The following FOXP2 variants were observed in gnomAD, a reference collection of about 807,000 sequenced individuals.
FOXP2 encodes forkhead box P2, also known as forkhead box protein P2.
FOXP2 carries 12 observed loss-of-function variants against 115.8 expected under a neutral mutation model. The ratio of observed to expected loss-of-function variants is 0.10; its 90% confidence interval spans 0.07 to 0.17. FOXP2 has a LOEUF of 0.17. FOXP2 is among the 10% of genes least tolerant of loss of function. FOXP2 has a pLI of 1.00. For synonymous variants in FOXP2, 328 were observed against 297.7 expected, an observed-to-expected ratio of 1.10 and a Z score of -1.05; for missense variants, 629 against 843.5, an observed-to-expected ratio of 0.75 and a Z score of 3.15.
chr7:114,582,595 C>G (rs1426257589), intron 3 of FOXP2, among the ~76,000 whole-genome samples: 2 of 152,118 alleles, frequency 1.3e-5, no homozygotes, highest in Non-Finnish European at 2.9e-5. Flanking sequence ...TGTAAGTGTT[C>G]TTTCCTTTTC....
intron 2 of FOXP2, among the ~76,000 whole-genome samples, chr7:114,388,161 T>C (rs919427858): frequency 2.0e-5 from 3 of 152,194 alleles, no homozygotes; most frequent in African/African-American, 7.2e-5. Flanking sequence ...TCACTTTAAC[T>C]TCTTTGGAGA....
At chr7:114,233,635 A>G (rs917574311) in intron 1 of FOXP2, among the ~76,000 whole-genome samples, 2 of 152,230 alleles carry the variant, frequency 1.3e-5, no homozygotes, top group Non-Finnish European at 2.9e-5. Flanking sequence ...AAAATAAACA[A>G]TTAAACAATT....
intron 1 of FOXP2, among the ~76,000 whole-genome samples, chr7:114,244,964 G>A (rs1051874312): frequency 6.6e-6 from 1 of 151,926 alleles, no homozygotes; most frequent in Non-Finnish European, 1.5e-5. Flanking sequence ...GGGTTTCACC[G>A]TGTTAGCCAG....
intron 2 of FOXP2, among the ~76,000 whole-genome samples, chr7:114,347,065 G>C (rs1365759814): frequency 6.6e-6 from 1 of 151,834 alleles, no homozygotes; most frequent in African/African-American, 2.4e-5. Context: ...AAATGCAATG[G>C]TTTATATATG....
chr7:114,650,238 A>ATT (rs1806170162), intron 8 of FOXP2, among the ~76,000 whole-genome samples: 2 of 152,142 alleles, frequency 1.3e-5, no homozygotes, highest in African/African-American at 4.8e-5. Flanking sequence ...GTAGAAAATC[A>ATT]TTTTAAAAAG....
intron 2 of FOXP2, among the ~76,000 whole-genome samples, chr7:114,316,123 T>A (rs1797269956): frequency 6.6e-6 from 1 of 152,156 alleles, no homozygotes; most frequent in African/African-American, 2.4e-5. Context: ...CTTGTCTAAC[T>A]TCAGCTGGGT....
In FOXP2 at chr7:114,663,437, T is replaced by TA. The variant is rs546549555; in HGVS notation, c.1770-13_1770-12insA. 1.2e-4 allele frequency: 175 copies of TA among 1,404,784 alleles called. 2 individuals carry two copies. The highest frequency in any genetic ancestry group is 2.7e-4 in the South Asian group (22 of 82,916). The allele number at this position is 1,404,784 out of a possible 1,614,324, so 87.0% of individuals were successfully genotyped here. Reference sequence around the variant, plus strand: ...TTGACGTATAAATGATCTTTATATATTTTTTTTTTCAGAAGTCCAACCTTA... The same window carrying TA: ...TTGACGTATAAATGATCTTTATATATATTTTTTTTTCAGAAGTCCAACCTTA... On this transcript the variant is annotated splice_polypyrimidine_tract_variant and intron_variant, in intron 14 of 16. Coordinates refer to ENST00000350908, the MANE Select transcript of FOXP2 (RefSeq NM_014491.4).
chr7:114,235,848 T>A (rs1794994575), intron 1 of FOXP2, among the ~76,000 whole-genome samples: 1 of 152,192 alleles, frequency 6.6e-6, no homozygotes, highest in Non-Finnish European at 1.5e-5. Flanking sequence ...CATTCTCCAG[T>A]CTTATCACTA....
chr7:114,611,616 T>C (rs1803632984), intron 3 of FOXP2, among the ~76,000 whole-genome samples: 2 of 152,206 alleles, frequency 1.3e-5, no homozygotes, highest in South Asian at 4.1e-4. Context: ...TACATTTTCA[T>C]AGCTTAAAAT....
At chr7:114,256,544 G>T (rs142802454) in intron 1 of FOXP2, among the ~76,000 whole-genome samples, 2 of 152,106 alleles carry the variant, frequency 1.3e-5, no homozygotes, top group East Asian at 1.9e-4. Flanking sequence ...TTTTAATCGG[G>T]TTGTTTGTGT....
At chr7:114,415,471 G>T (rs1407106960) in intron 1 of FOXP2, 111 bp downstream of exon 1, 2 of 363,254 alleles carry the variant, frequency 5.5e-6, no homozygotes, top group Non-Finnish European at 1.1e-5. Flanking sequence ...TTTTTTCTGA[G>T]ACTGTAGCTC....
chr7:114,536,397 C>CTTTTTTTTTTTT (rs3997242), intron 3 of FOXP2, among the ~76,000 whole-genome samples: 60 of 112,290 alleles, frequency 5.3e-4, no homozygotes, highest in East Asian at 8.1e-4. Context: ...TTTTTCTTTT[C>CTTTTTTTTTTTT]TTTTTTTTTT....
chr7:114,576,751 CA>C (rs1801597397), intron 3 of FOXP2, among the ~76,000 whole-genome samples: 1 of 151,870 alleles, frequency 6.6e-6, no homozygotes, highest in African/African-American at 2.4e-5. Flanking sequence ...ATATAATTGG[CA>C]TTAACTTCTA....
intron 1 of FOXP2, among the ~76,000 whole-genome samples, chr7:114,147,874 A>T (rs1204693883): frequency 6.6e-6 from 1 of 152,164 alleles, no homozygotes; most frequent in Non-Finnish European, 1.5e-5. Flanking sequence ...AGGAGGATAG[A>T]ATTCTCAAAG....
rs932035689 is a variant in FOXP2, at chr7:114,321,323, C to T, written c.-11+33214C>T. Among the ~76,000 whole-genome samples, 7 of 151,802 alleles carry T rather than the reference C, an allele frequency of 4.6e-5. 1 individual carries two copies. The East Asian group carries it at 9.7e-4, about 21-fold the overall frequency. ...ACGCCATTCTCCTGCCTCAGCCTCT[C>T]GAGTAGCTGGGACTACAAGTGCCCG... On this transcript the variant is annotated intron_variant, in intron 2 of 17. Coordinates refer to the FOXP2 transcript ENST00000634411.
At chr7:114,456,755 T>A (rs1413496076) in intron 2 of FOXP2, among the ~76,000 whole-genome samples, 1 of 152,144 alleles carries the variant, frequency 6.6e-6, no homozygotes, top group African/African-American at 2.4e-5. Context: ...ACAAGAGCCA[T>A]GATATGGAAA....
chr7:114,509,193 T>C (rs1797958596), intron 2 of FOXP2, among the ~76,000 whole-genome samples: 1 of 152,126 alleles, frequency 6.6e-6, no homozygotes, highest in Admixed American at 6.6e-5. Context: ...ATGTACAGAT[T>C]ATATTCTAAA....
intron 1 of FOXP2, among the ~76,000 whole-genome samples, chr7:114,263,485 G>A (rs1240082504): frequency 6.8e-6 from 1 of 146,648 alleles, no homozygotes; most frequent in Admixed American, 7.0e-5. Flanking sequence ...ACCGGGTGTT[G>A]CTGCGTTTCC....
chr7:114,451,786 G>A (rs1795084070), intron 2 of FOXP2, among the ~76,000 whole-genome samples: 1 of 152,012 alleles, frequency 6.6e-6, no homozygotes, highest in Non-Finnish European at 1.5e-5. Context: ...TTATGAGAAA[G>A]GACTGCAGAG....
Sources: allele counts gnomAD v4.1 joint callset (sites outside exome capture counted in the v4.1 genomes callset), GRCh38; gene constraint gnomAD v4.1.1; transcripts MANE v1.5; gene names NCBI Gene and HGNC (gene_info 2026-07-23, HGNC 2026-07-21).